Variants in LPP observed in about 807,000 individuals in gnomAD.
LPP encodes LIM domain containing preferred translocation partner in lipoma.
A neutral mutation model predicts 60.4 loss-of-function variants in LPP; 38 were observed. That is an observed-to-expected ratio of 0.63 (90% confidence interval 0.49 to 0.83). The LOEUF is 0.83. LPP is among the 40% of genes least tolerant of loss of function. LPP has a pLI of 0.00. For synonymous variants in LPP, 328 were observed against 290.8 expected (o/e 1.13, Z -1.30); for missense variants, 902 against 783.6 (o/e 1.15, Z -1.80).
chr3:188,489,304 C>T (rs1457380009), intron 5 of LPP, among the ~76,000 whole-genome samples: 1 of 152,096 alleles, frequency 6.6e-6, no homozygotes, highest in East Asian at 1.9e-4. Flanking sequence ...TGATCAGAAG[C>T]ATAATCTAAG....
intron 1 of LPP, among the ~76,000 whole-genome samples, chr3:188,195,516 A>G (rs1384990196): frequency 6.6e-6 from 1 of 152,182 alleles, no homozygotes; most frequent in Non-Finnish European, 1.5e-5. Context: ...ATATTATTAG[A>G]AAAAAATACA....
intron 2 of LPP, among the ~76,000 whole-genome samples, chr3:188,323,758 G>A (rs959375411): frequency 2.0e-5 from 3 of 152,198 alleles, no homozygotes; most frequent in Non-Finnish European, 4.4e-5. Context: ...GATTAAAAGG[G>A]AACTCTGACT....
At chr3:188,192,888 C>T (rs774421781) in intron 1 of LPP, among the ~76,000 whole-genome samples, 6 of 152,198 alleles carry the variant, frequency 3.9e-5, no homozygotes, top group Admixed American at 2.0e-4. Context: ...TCCGGAAAGA[C>T]GAGGCCTCAG....
At chr3:188,435,799 G>A (rs1195976358) in intron 4 of LPP, among the ~76,000 whole-genome samples, 2 of 152,142 alleles carry the variant, frequency 1.3e-5, no homozygotes, top group Non-Finnish European at 2.9e-5. Flanking sequence ...TGTTGTGTTT[G>A]TAATGTTGCT....
intron 3 of LPP, among the ~76,000 whole-genome samples, chr3:188,365,795 A>G (rs1190438480): frequency 1.3e-5 from 2 of 151,754 alleles, no homozygotes; most frequent in East Asian, 3.9e-4. Flanking sequence ...AGTTATGTAT[A>G]GTTAAGGTAT....
chr3:188,454,406 T>G (rs985224045), intron 4 of LPP, among the ~76,000 whole-genome samples: 3 of 152,190 alleles, frequency 2.0e-5, no homozygotes, highest in African/African-American at 7.2e-5. Flanking sequence ...TAAATATTTT[T>G]AAGGATTTTT....
intron 2 of LPP, among the ~76,000 whole-genome samples, chr3:188,283,918 A>G (rs1039544288): frequency 1.3e-5 from 2 of 152,004 alleles, no homozygotes; most frequent in African/African-American, 4.8e-5. Flanking sequence ...TGGAGGTTGC[A>G]GTGAGCCGAG....
chr3:188,449,365 G>T (rs1043360798), intron 4 of LPP, among the ~76,000 whole-genome samples: 1 of 151,996 alleles, frequency 6.6e-6, no homozygotes, highest in Non-Finnish European at 1.5e-5. Flanking sequence ...AGCCTAACGG[G>T]CTTGGAATAG....
At chr3:188,753,759 G>A (rs977938421) in intron 8 of LPP, among the ~76,000 whole-genome samples, 5 of 151,808 alleles carry the variant, frequency 3.3e-5, no homozygotes, top group African/African-American at 1.2e-4. Flanking sequence ...TTCTTGTTGC[G>A]AGTGTTTGAG....
chr3:188,318,452 T>C (rs865897437), intron 2 of LPP, among the ~76,000 whole-genome samples: 2 of 151,452 alleles, frequency 1.3e-5, no homozygotes, highest in South Asian at 2.1e-4. Flanking sequence ...CTCATGAATA[T>C]GTGGATATTT....
intron 1 of LPP, among the ~76,000 whole-genome samples, chr3:188,187,804 G>A (rs1727038477): frequency 6.6e-6 from 1 of 151,944 alleles, no homozygotes; most frequent in Admixed American, 6.6e-5. Context: ...CCTGAGTAAT[G>A]TCATTATCTG....
chr3:188,631,212 GA>G (rs59341063), intron 7 of LPP, among the ~76,000 whole-genome samples: 35 of 151,808 alleles, frequency 2.3e-4, no homozygotes, highest in African/African-American at 7.7e-4. Flanking sequence ...TTTATACTTA[GA>G]AAAAAAATTA....
intron 7 of LPP, among the ~76,000 whole-genome samples, chr3:188,637,351 C>T (rs141550945): frequency 0.2 from 29,747 of 150,986 alleles, 3,180 homozygotes; most frequent in African/African-American, 0.29. Flanking sequence ...GTCTCTGGGA[C>T]GCATTCAAAA....
chr3:188,579,021 A>T (rs1188111957), intron 6 of LPP, among the ~76,000 whole-genome samples: 1 of 152,146 alleles, frequency 6.6e-6, no homozygotes, highest in Non-Finnish European at 1.5e-5. Context: ...GTAGTCATTG[A>T]TCACTTACCA....
chr3:188,750,577 G>T (rs981098244), intron 8 of LPP, among the ~76,000 whole-genome samples: 2 of 152,056 alleles, frequency 1.3e-5, no homozygotes, highest in Admixed American at 1.3e-4. Flanking sequence ...AGGTTGCAGT[G>T]AGCCAAGATC....
intron 2 of LPP, among the ~76,000 whole-genome samples, chr3:188,297,206 C>T (rs1477669334): frequency 6.6e-6 from 1 of 152,182 alleles, no homozygotes; most frequent in East Asian, 1.9e-4. Flanking sequence ...ATAACTCAGC[C>T]TTGAGTCAAC....
At chr3:188,453,989 A>G (rs139150297) in intron 4 of LPP, among the ~76,000 whole-genome samples, 82 of 152,322 alleles carry the variant, frequency 5.4e-4, no homozygotes, top group Middle Eastern at 3.4e-3. Context: ...GATTGAAGGC[A>G]GGGTGCTTGA....
At chr3:188,463,393 G>T (rs987010110) in intron 4 of LPP, among the ~76,000 whole-genome samples, 2 of 151,756 alleles carry the variant, frequency 1.3e-5, no homozygotes, top group Non-Finnish European at 2.9e-5. Flanking sequence ...ATGGGGTCCT[G>T]CAATGTTGCC....
chr3:188,838,545 C>G (rs1270079250), intron 9 of LPP, among the ~76,000 whole-genome samples: 1 of 152,136 alleles, frequency 6.6e-6, no homozygotes, highest in African/African-American at 2.4e-5. Context: ...AGGTGCAGCT[C>G]CATTTCATAC....
Sources: gnomAD v4.1 joint callset for allele counts (sites outside exome capture counted in the v4.1 genomes callset) on GRCh38, gnomAD v4.1.1 for gene constraint, MANE v1.5 for transcripts, NCBI Gene and HGNC (gene_info 2026-07-23, HGNC 2026-07-21) for gene names.